The following PTPRU variants were observed in gnomAD, a reference collection of about 807,000 sequenced individuals.
PTPRU encodes the protein protein tyrosine phosphatase receptor type U.
PTPRU carries 69 observed loss-of-function variants against 166.3 expected under a neutral mutation model. The ratio of observed to expected loss-of-function variants is 0.41; its 90% CI spans 0.34 to 0.51. The LOEUF is 0.51. PTPRU is among the 20% of genes least tolerant of loss of function. The probability of loss-of-function intolerance (pLI) is 0.09; values close to 1 mark genes in which losing one functional copy is unlikely to be tolerated. For missense variants in PTPRU, 1,657 were observed against 2,013.7 expected (o/e 0.82, Z 3.39); for synonymous variants, 793 against 814.0 (o/e 0.97, Z 0.44).
Position 29,280,239 on chromosome 1 carries a change from C to A in PTPRU, c.1868+98C>A, listed in dbSNP as rs1686000924. 8.7e-7 allele frequency: 1 copy of A among 1,148,000 alleles called. No individual in the cohort carries two copies. Among genetic ancestry groups the A allele is most frequent in the Non-Finnish European group, 1.3e-6 (1 of 799,592 alleles). 71.1% of individuals were successfully genotyped at this position (1,148,000 alleles called of 1,614,324 possible). ...CATCCCAGGCCAGCTCACCCTTTTC[C>A]TCCCTCAGTCTCCCACGCAGGGCTT... On this transcript the variant is annotated intron_variant, in intron 11 of 29. Transcript: ENST00000373779. The surrounding 1 kb of genome is among the most constrained non-coding windows in gnomAD (Gnocchi z 4.2).
At chr1:29,304,079 C>A (rs769738183) in intron 16 of PTPRU, 34 bp downstream of exon 16, 1 of 1,583,070 alleles carries the variant, frequency 6.3e-7, no homozygotes, top group Non-Finnish European at 8.6e-7. Context: ...AGGATCCCTG[C>A]AGAGGCCTCA....
chr1:29,274,108 G>A (rs188420327), intron 7 of PTPRU, among the ~76,000 whole-genome samples: 135 of 152,238 alleles, frequency 8.9e-4, no homozygotes, highest in Non-Finnish European at 2.5e-4. Context: ...TCAGCTTACC[G>A]CAACCTCTGC....
Position 29,238,342 on chromosome 1 carries a change from G to T in PTPRU, c.73+1625G>T, listed in dbSNP as rs1348301434. On this transcript the variant is annotated intron_variant, in intron 1 of 29. Transcript: ENST00000373779. This position sits in a 1 kb window ranked among gnomAD's most constrained non-coding sequence, Gnocchi z 6.1. ...CGGCCCCTTCCCGCGGAGTTTCGGG[G>T]CCCTGCTCCGGGTGACCTCCCCCGC... 1.3e-5 allele frequency among the ~76,000 whole-genome samples: 2 copies of T among 152,094 alleles called. No individual in the cohort carries two copies. The highest frequency in any genetic ancestry group is 4.8e-5 in the African/African-American group (2 of 41,434).
rs114301126 is a variant in PTPRU at position 29,277,945 on chromosome 1, A to G, written c.1454-1067A>G. On this transcript the variant is annotated intron_variant, in intron 8 of 29. Transcript: ENST00000373779. Reference sequence around the variant, plus strand: ...GCGATTCTCCCACCTCAGCCTGTCGAGTAACTGGGATTATAGGCACCTACC... The same window carrying G: ...GCGATTCTCCCACCTCAGCCTGTCGGGTAACTGGGATTATAGGCACCTACC... Among the ~76,000 whole-genome samples the G allele has an allele frequency of 1.4e-3, 208 of 149,718 alleles. 1 individual carries two copies. Among genetic ancestry groups the G allele is most frequent in the African/African-American group, 5.0e-3 (201 of 40,598 alleles).
At chr1:29,313,043 C>T (rs1458814722) in intron 22 of PTPRU, among the ~76,000 whole-genome samples, 2 of 152,180 alleles carry the variant, frequency 1.3e-5, no homozygotes, top group Non-Finnish European at 2.9e-5. Context: ...ACACCTGCCG[C>T]GTGCTAGGCC....
chr1:29,269,235 TATATATA>T, intron 7 of PTPRU, among the ~76,000 whole-genome samples: 1 of 44,220 alleles, frequency 2.3e-5, no homozygotes, highest in African/African-American at 6.9e-5. Flanking sequence ...TATATATATA[TATATATA>T]TATATTTTTT....
At position 29,324,211 on chromosome 1, in the gene PTPRU, A is replaced by G. The variant is rs554367735; in HGVS notation, c.4112+423A>G. 2.2e-4 allele frequency among the ~76,000 whole-genome samples: 34 copies of G among 152,292 alleles called. No homozygotes were observed. The South Asian group carries it at 6.6e-3, about 30-fold the overall frequency. ...ATCTGCATGCCCCATTCATAAGTTC[A>G]TGTATTCACTCATGTCTGGGTGCAG... On this transcript the variant is annotated intron_variant, in intron 28 of 29. Transcript: ENST00000373779.
Position 29,257,544 on chromosome 1 carries a change from C to T in PTPRU, c.206-961C>T, listed in dbSNP as rs77830010. On this transcript the variant is annotated intron_variant, in intron 2 of 29. Coordinates refer to ENST00000373779, the MANE Select transcript of PTPRU (RefSeq NM_133178.4). This position sits in a 1 kb window ranked among gnomAD's most constrained non-coding sequence, Gnocchi z 4.6. ...CCTGAGCCAGCCTAGTCCACTTCTA[C>T]TCCACCAGTACCCAGCCTGGGTCTC... Among the ~76,000 whole-genome samples, 5,848 of 152,282 alleles carry T rather than the reference C, an allele frequency of 0.038. 172 individuals are homozygous for T. Among genetic ancestry groups the T allele is most frequent in the Middle Eastern group, 0.095 (28 of 294 alleles).
chr1:29,250,862 T>A (rs1157609371), intron 1 of PTPRU, among the ~76,000 whole-genome samples: 3 of 152,190 alleles, frequency 2.0e-5, no homozygotes, highest in Non-Finnish European at 4.4e-5. Flanking sequence ...CCCAGAGATG[T>A]TACCCACTAT....
intron 2 of PTPRU, 36 bp from the exon 3 acceptor site, chr1:29,258,469 C>T (rs757044648): frequency 6.3e-7 from 1 of 1,596,798 alleles, no homozygotes; most frequent in Admixed American, 1.7e-5. Flanking sequence ...CCCCTGAGGT[C>T]TCCTCATCTC....
chr1:29,247,940 C>T (rs1035968104), intron 1 of PTPRU, among the ~76,000 whole-genome samples: 2 of 152,178 alleles, frequency 1.3e-5, no homozygotes, highest in African/African-American at 4.8e-5. Flanking sequence ...ATGGTGACTC[C>T]TGGGTGATTA....
At chr1:29,273,907 C>T (rs917358549) in intron 7 of PTPRU, among the ~76,000 whole-genome samples, 2 of 152,210 alleles carry the variant, frequency 1.3e-5, no homozygotes, top group African/African-American at 4.8e-5. Context: ...CCAGCTTCAC[C>T]ACTTACCATC....
intron 15 of PTPRU, among the ~76,000 whole-genome samples, chr1:29,299,358 G>C (rs912988458): frequency 6.6e-6 from 1 of 152,192 alleles, no homozygotes; most frequent in African/African-American, 2.4e-5. Context: ...TGGTCCTTAG[G>C]GGTAGGGGAT....
At position 29,241,482 on chromosome 1, in the gene PTPRU, G is replaced by GT. The variant is rs1449951892; in HGVS notation, c.73+4766dup. 2.6e-5 allele frequency among the ~76,000 whole-genome samples: 4 copies of GT among 152,054 alleles called. No homozygotes were observed. The East Asian group carries it at 5.8e-4, about 22-fold the overall frequency. On this transcript the variant is annotated intron_variant, in intron 1 of 29. Coordinates refer to ENST00000373779, the MANE Select transcript of PTPRU (RefSeq NM_133178.4). ...TCCCCAAGTGTCCGGGTATCTGAGG[G>GT]TGGGGGTATCTGTGTATGAAACAAC...
chr1:29,279,033 A>C lies in PTPRU; in HGVS notation c.1475A>C (p.Glu492Ala). 1 of 1,590,026 alleles carries C rather than the reference A, an allele frequency of 6.3e-7. No homozygotes were observed. ...DEDVPSGIAAESLTFTPLEDM... is the reference protein window; with the variant it reads ...DEDVPSGIAAASLTFTPLEDM... ...GCAGTGCCCAGTGGGATTGCAGCCG[A>C]GTCCCTGACCTTCACTCCACTGGAG... The change falls in exon 9 of 30, where the codon GAG (glutamate) becomes GCG (alanine). Residue 492 changes from glutamate (E) to alanine (A), a missense_variant. Physicochemically the swap from Glu to Ala is moderately radical, Grantham distance 107 (BLOSUM62 -1). This residue lies in a region of PTPRU where 1,190 missense variants were observed against 1,477.4 expected (regional missense o/e 0.81). Transcript: ENST00000373779. This position sits in a 1 kb window ranked among gnomAD's most constrained non-coding sequence, Gnocchi z 5.2.
chr1:29,245,255 C>T (rs551518796), intron 1 of PTPRU, among the ~76,000 whole-genome samples: 1 of 152,306 alleles, frequency 6.6e-6, no homozygotes, highest in South Asian at 2.1e-4. Context: ...ATGGCCTATC[C>T]TGTGGGTGGC....
chr1:29,311,434 C>T lies in PTPRU; in HGVS notation c.2858-22C>T. Reference sequence around the variant, plus strand: ...GTGGAGACCTTGTCTCAGGGACAGGCACCCTCTGCCTGCATCCCCAGGGCC... The same window carrying T: ...GTGGAGACCTTGTCTCAGGGACAGGTACCCTCTGCCTGCATCCCCAGGGCC... On this transcript the variant is annotated intron_variant, in intron 19 of 29. Coordinates refer to ENST00000373779, the MANE Select transcript of PTPRU (RefSeq NM_133178.4). The surrounding 1 kb of genome is among the most constrained non-coding windows in gnomAD (Gnocchi z 4.1). 6.2e-7 allele frequency: 1 copy of T among 1,612,258 alleles called. No homozygotes were observed. Among genetic ancestry groups the T allele is most frequent in the Middle Eastern group, 1.7e-4 (1 of 5,990 alleles).
At chr1:29,251,203 G>T (rs995769918) in intron 1 of PTPRU, among the ~76,000 whole-genome samples, 66 of 152,080 alleles carry the variant, frequency 4.3e-4, no homozygotes, top group African/African-American at 1.5e-3. Context: ...CAGTGAGCGA[G>T]ATCATGCTAC....
In PTPRU at chr1:29,317,736, C is replaced by T. The variant is rs552347726; in HGVS notation, c.3514-12C>T. On this transcript the variant is annotated splice_polypyrimidine_tract_variant and intron_variant, in intron 24 of 29. Coordinates refer to ENST00000373779, the MANE Select transcript of PTPRU (RefSeq NM_133178.4). The surrounding 1 kb of genome is among the most constrained non-coding windows in gnomAD (Gnocchi z 5.6). The stretch of plus-strand genomic sequence containing the variant: ...GGACGTAACTCTCTGTCCCCACCCC[C>T]GCTCCCTGTAGACGCTGAACTCGGT... The T allele has an allele frequency of 9.2e-5, 147 of 1,600,210 alleles. 1 individual carries two copies. In the South Asian group the frequency reaches 1.4e-3, roughly 15 times the overall value.
Sources: gnomAD v4.1 joint callset for allele counts (sites outside exome capture counted in the v4.1 genomes callset) on GRCh38, gnomAD v4.1.1 for gene constraint, gnomAD v4.1.1 regional missense constraint, Gnocchi (gnomAD v3.1) non-coding constraint, MANE v1.5 for transcripts, NCBI Gene and HGNC (gene_info 2026-07-23, HGNC 2026-07-21) for gene names.